Variants in IL1RAPL1 observed in about 807,000 individuals in gnomAD.
The protein encoded by IL1RAPL1 is interleukin-1 receptor accessory protein-like 1.
A neutral mutation model predicts 48.4 loss-of-function variants in IL1RAPL1; 3 were observed. That is an observed-to-expected ratio of 0.06 (90% CI 0.03 to 0.16). The LOEUF (loss-of-function observed/expected upper bound fraction) is 0.16, where lower values mean the gene tolerates loss of function less well. Ranked by LOEUF, IL1RAPL1 falls within the 10% of genes least tolerant of loss-of-function variation. The probability of loss-of-function intolerance (pLI) is 1.00; values close to 1 mark genes in which losing one functional copy is unlikely to be tolerated. For missense variants in IL1RAPL1, 349 were observed against 530.6 expected, an observed-to-expected ratio of 0.66 and a Z score of 3.36; for synonymous variants, 185 against 187.7, an observed-to-expected ratio of 0.99 and a Z score of 0.12.
chrX:28,695,941 G>A (rs1487951869), intron 1 of IL1RAPL1, among the ~76,000 whole-genome samples: 1 of 111,532 alleles, frequency 9.0e-6, no homozygotes, highest in Non-Finnish European at 1.9e-5. Context: ...AATAAATGAT[G>A]GCGTTGAAAA....
chrX:28,594,878 G>C (rs1414309255), intron 1 of IL1RAPL1, among the ~76,000 whole-genome samples: 4 of 110,998 alleles, frequency 3.6e-5, no homozygotes, highest in Non-Finnish European at 3.8e-5. Context: ...GTCACTGGTG[G>C]GTCTTCTTGT....
intron 2 of IL1RAPL1, among the ~76,000 whole-genome samples, chrX:28,987,596 C>T (rs1164969288): frequency 8.9e-6 from 1 of 111,869 alleles, no homozygotes; most frequent in Non-Finnish European, 1.9e-5. Flanking sequence ...CATACTGCTT[C>T]TTCCCAGGGA....
chrX:28,727,441 C>T (rs1935690941), intron 1 of IL1RAPL1, among the ~76,000 whole-genome samples: 3 of 103,760 alleles, frequency 2.9e-5, no homozygotes, highest in African/African-American at 7.1e-5. Flanking sequence ...TGGGCTGAGA[C>T]AATGGGGTTT....
At chrX:29,873,489 G>A (rs1370068354) in intron 6 of IL1RAPL1, among the ~76,000 whole-genome samples, 1 of 109,741 alleles carries the variant, frequency 9.1e-6, no homozygotes, top group Non-Finnish European at 1.9e-5. Flanking sequence ...TGATGCCTGC[G>A]TAAAAGAGGC....
chrX:28,825,749 ATAATAAGCAGTGAATAG>A (rs1480252691), intron 2 of IL1RAPL1, among the ~76,000 whole-genome samples: 1 of 111,465 alleles, frequency 9.0e-6, no homozygotes, highest in Non-Finnish European at 1.9e-5. Context: ...TGGCCTCCTG[ATAATAAGCAGTGAATAG>A]TAATTGATTA....
At chrX:29,412,051 A>G (rs1212593790) in intron 5 of IL1RAPL1, among the ~76,000 whole-genome samples, 1 of 111,475 alleles carries the variant, frequency 9.0e-6, no homozygotes, top group Non-Finnish European at 1.9e-5. Context: ...TGGGTGAATC[A>G]TCTGAGATCA....
intron 5 of IL1RAPL1, among the ~76,000 whole-genome samples, chrX:29,650,484 A>AT (rs200699886): frequency 0.053 from 5,548 of 104,283 alleles, 355 homozygotes; most frequent in African/African-American, 0.17. Context: ...CAGCTAACTC[A>AT]TTTTTTTTTT....
At chrX:29,098,884 C>T (rs1286996707) in intron 2 of IL1RAPL1, among the ~76,000 whole-genome samples, 5 of 112,464 alleles carry the variant, frequency 4.4e-5, no homozygotes, top group African/African-American at 1.3e-4. Context: ...GGTGCAGAGG[C>T]TCACGCCTGT....
chrX:29,621,154 G>T (rs746850684), intron 5 of IL1RAPL1, among the ~76,000 whole-genome samples: 32 of 111,608 alleles, frequency 2.9e-4, no homozygotes, highest in African/African-American at 9.4e-4. Context: ...ACTTCAAGTG[G>T]TTACAACTAA....
At chrX:29,905,374 T>G (rs1464090836) in intron 6 of IL1RAPL1, among the ~76,000 whole-genome samples, 2 of 112,071 alleles carry the variant, frequency 1.8e-5, no homozygotes, top group Non-Finnish European at 1.9e-5. Context: ...TTTAATTAGA[T>G]CCCATTTGTC....
intron 5 of IL1RAPL1, among the ~76,000 whole-genome samples, chrX:29,437,079 A>G (rs1934489810): frequency 9.0e-6 from 1 of 111,471 alleles, no homozygotes; most frequent in Admixed American, 9.5e-5. Flanking sequence ...GTAAGATCAA[A>G]TAAGAAAATT....
intron 1 of IL1RAPL1, among the ~76,000 whole-genome samples, chrX:28,627,665 T>C (rs1245092031): frequency 1.8e-5 from 2 of 112,041 alleles, no homozygotes; most frequent in African/African-American, 6.5e-5. Context: ...ATCTTTCTGT[T>C]GCTGATACTT....
intron 2 of IL1RAPL1, among the ~76,000 whole-genome samples, chrX:29,058,198 A>G (rs1041481640): frequency 1.8e-5 from 2 of 109,219 alleles, no homozygotes; most frequent in African/African-American, 6.7e-5. Flanking sequence ...ACATGGTGAA[A>G]CCCCCCCGTC....
chrX:29,860,477 C>T (rs1177805743), intron 6 of IL1RAPL1, among the ~76,000 whole-genome samples: 1 of 110,894 alleles, frequency 9.0e-6, no homozygotes, highest in Non-Finnish European at 1.9e-5. Flanking sequence ...TGTCATCTAC[C>T]TTAGGTATTT....
intron 1 of IL1RAPL1, among the ~76,000 whole-genome samples, chrX:28,642,135 G>A (rs781358010): frequency 6.4e-4 from 71 of 111,268 alleles, no homozygotes; most frequent in Non-Finnish European, 4.5e-4. Flanking sequence ...ATATGCACCC[G>A]ATACAGGAGC....
At chrX:29,071,710 T>G (rs1265562375) in intron 2 of IL1RAPL1, among the ~76,000 whole-genome samples, 1 of 111,383 alleles carries the variant, frequency 9.0e-6, no homozygotes, top group Non-Finnish European at 1.9e-5. Flanking sequence ...CCCCTTTTCT[T>G]CCTTTATGAC....
At position 29,332,644 on chromosome X, in the gene IL1RAPL1, ATTTATTTTATTTTTTT is replaced by A. The variant is rs1407699492; in HGVS notation, c.362+49431_362+49446del. The stretch of plus-strand genomic sequence containing the variant: ...TATTTATTTATTTATTTATTTATTT[ATTTATTTTATTTTTTT>A]TTTTTTATTGATCATTCTTGGGTGT... On this transcript the variant is annotated intron_variant, in intron 3 of 10. Coordinates refer to ENST00000378993, the MANE Select transcript of IL1RAPL1 (RefSeq NM_014271.4). 9.0e-3 allele frequency among the ~76,000 whole-genome samples: 697 copies of A among 77,185 alleles called. 3 individuals carry two copies. The highest frequency in any genetic ancestry group is 0.039 in the African/African-American group (670 of 17,097). 67.0% of individuals were successfully genotyped at this position (77,185 alleles called of 115,157 possible).
At chrX:29,829,173 C>T (rs1290853440) in intron 6 of IL1RAPL1, among the ~76,000 whole-genome samples, 1 of 98,172 alleles carries the variant, frequency 1.0e-5, no homozygotes, top group East Asian at 3.1e-4. Flanking sequence ...CACACACACA[C>T]ACACACACAC....
chrX:28,932,893 A>C (rs1923923247), intron 2 of IL1RAPL1, among the ~76,000 whole-genome samples: 1 of 110,954 alleles, frequency 9.0e-6, no homozygotes, highest in Non-Finnish European at 1.9e-5. Flanking sequence ...AAAATGCCAA[A>C]GTTATCAGTA....
Sources: gnomAD v4.1 joint callset for allele counts (sites outside exome capture counted in the v4.1 genomes callset) on GRCh38, gnomAD v4.1.1 for gene constraint, MANE v1.5 for transcripts, NCBI Gene and HGNC (gene_info 2026-07-23, HGNC 2026-07-21) for gene names.